Variants in NALF1 observed in about 807,000 individuals in gnomAD.
The protein encoded by NALF1 is NALCN channel auxiliary factor 1.
In NALF1, 3 loss-of-function variants were observed where a neutral mutation model predicts 48.4. The observed-to-expected ratio is 0.06, with a 90% CI of 0.03 to 0.16. NALF1 has a LOEUF of 0.16. NALF1 is among the 10% of genes least tolerant of loss of function. The pLI is 1.00. For synonymous variants in NALF1, 262 were observed against 245.7 expected (o/e 1.07, Z -0.62); for missense variants, 526 against 571.5 (o/e 0.92, Z 0.81).
intron 1 of NALF1, among the ~76,000 whole-genome samples, chr13:107,782,483 G>A (rs1449082884): frequency 3.9e-5 from 6 of 152,146 alleles, no homozygotes; most frequent in Non-Finnish European, 8.8e-5. Flanking sequence ...ACCCCGTCTA[G>A]GAAGTGAGGA....
intron 1 of NALF1, among the ~76,000 whole-genome samples, chr13:107,837,127 G>A (rs1335562076): frequency 1.3e-5 from 2 of 152,144 alleles, no homozygotes; most frequent in East Asian, 3.9e-4. Context: ...CCGGTTACAT[G>A]CAACAAAATT....
intron 1 of NALF1, among the ~76,000 whole-genome samples, chr13:107,250,761 G>C (rs946423954): frequency 6.6e-6 from 1 of 152,140 alleles, no homozygotes; most frequent in African/African-American, 2.4e-5. Flanking sequence ...GTAATTCCCA[G>C]TGTTGGAGGA....
intron 1 of NALF1, among the ~76,000 whole-genome samples, chr13:107,220,983 C>A (rs1000246428): frequency 6.6e-6 from 1 of 151,986 alleles, no homozygotes; most frequent in Non-Finnish European, 1.5e-5. Context: ...AAAAAAAGAA[C>A]AAAATTTCTT....
rs550216093 is a variant in NALF1, at chr13:107,726,962, T to A, written c.915+138720A>T. The stretch of plus-strand genomic sequence containing the variant: ...GTGTGTGTGTGTGTGTGTGTGTGTG[T>A]GAAATGAAGACTCCTTCTTTTGTAT... On this transcript the variant is annotated intron_variant, in intron 1 of 2. Coordinates refer to ENST00000375915, the MANE Select transcript of NALF1 (RefSeq NM_001080396.3). Among the ~76,000 whole-genome samples the A allele has an allele frequency of 2.5e-3, 323 of 130,944 alleles. 2 individuals carry two copies. Among genetic ancestry groups the A allele is most frequent in the Non-Finnish European group, 2.3e-3 (141 of 61,180 alleles). The allele number at this position is 130,944 out of a possible 152,430, so 85.9% of individuals were successfully genotyped here.
chr13:107,571,124 G>A (rs1877974724), intron 1 of NALF1, among the ~76,000 whole-genome samples: 1 of 152,144 alleles, frequency 6.6e-6, no homozygotes, highest in South Asian at 2.1e-4. Context: ...TTTGGTTTCT[G>A]CCCCCAGTTC....
chr13:107,411,447 G>T (rs997529619), intron 1 of NALF1, among the ~76,000 whole-genome samples: 1 of 151,980 alleles, frequency 6.6e-6, no homozygotes, highest in African/African-American at 2.4e-5. Context: ...AAAGTATTGG[G>T]ATTACAGGCA....
At chr13:107,827,979 C>T (rs1566497789) in intron 1 of NALF1, among the ~76,000 whole-genome samples, 1 of 152,144 alleles carries the variant, frequency 6.6e-6, no homozygotes, top group Non-Finnish European at 1.5e-5. Context: ...CAGCCGTCAG[C>T]GGTAGGAAGC....
At chr13:107,728,664 C>G (rs545167206) in intron 1 of NALF1, among the ~76,000 whole-genome samples, 37 of 151,728 alleles carry the variant, frequency 2.4e-4, no homozygotes, top group Non-Finnish European at 4.3e-4. Flanking sequence ...CAAACCTGCA[C>G]GTTCTGCGCA....
rs114344831 is a variant in NALF1 at position 107,715,811 on chromosome 13, C to T, written c.915+149871G>A. 2.9e-3 allele frequency among the ~76,000 whole-genome samples: 447 copies of T among 152,162 alleles called. 2 individuals are homozygous for T. Among genetic ancestry groups the T allele is most frequent in the African/African-American group, 0.01 (419 of 41,500 alleles). ...AGCACAAATAATTATGCTGGATTAGCAATAAGGAACCTTTTTTTGAAATGT... is the reference window on the plus strand; with the variant it reads ...AGCACAAATAATTATGCTGGATTAGTAATAAGGAACCTTTTTTTGAAATGT... On this transcript the variant is annotated intron_variant, in intron 1 of 2. Coordinates refer to ENST00000375915, the MANE Select transcript of NALF1 (RefSeq NM_001080396.3).
intron 1 of NALF1, among the ~76,000 whole-genome samples, chr13:107,808,404 A>C (rs942739820): frequency 4.3e-4 from 65 of 152,226 alleles, no homozygotes; most frequent in African/African-American, 1.6e-3. Flanking sequence ...AATTTCACTT[A>C]GTTTTTTGCA....
At chr13:107,219,156 C>G (rs981204274) in intron 1 of NALF1, among the ~76,000 whole-genome samples, 2 of 152,038 alleles carry the variant, frequency 1.3e-5, no homozygotes, top group African/African-American at 2.4e-5. Flanking sequence ...GAGTGTTGGC[C>G]GTGGATGGAT....
chr13:107,298,334 A>G (rs1881764741), intron 1 of NALF1, among the ~76,000 whole-genome samples: 1 of 128,756 alleles, frequency 7.8e-6, no homozygotes. Flanking sequence ...TGGGCGACAG[A>G]GAGAGAGACT....
chr13:107,673,313 G>C (rs1005914444), intron 1 of NALF1, among the ~76,000 whole-genome samples: 4 of 152,152 alleles, frequency 2.6e-5, no homozygotes, highest in Non-Finnish European at 5.9e-5. Flanking sequence ...AAAATAGCCT[G>C]ATGCACCATA....
chr13:107,477,890 T>C (rs546235993), intron 1 of NALF1, among the ~76,000 whole-genome samples: 2 of 152,194 alleles, frequency 1.3e-5, no homozygotes, highest in South Asian at 2.1e-4. Flanking sequence ...TCAAAGAAGA[T>C]AGAACTTCTA....
chr13:107,824,221 T>C (rs539979813), intron 1 of NALF1, among the ~76,000 whole-genome samples: 73 of 152,126 alleles, frequency 4.8e-4, no homozygotes, highest in Non-Finnish European at 8.1e-4. Flanking sequence ...ATAGGGACCA[T>C]ATCACTAAAT....
intron 1 of NALF1, among the ~76,000 whole-genome samples, chr13:107,285,576 C>T (rs186669356): frequency 1.3e-5 from 2 of 152,110 alleles, no homozygotes; most frequent in African/African-American, 4.8e-5. Context: ...GAGTGCAAAC[C>T]ATATATGTGT....
chr13:107,486,839 C>T (rs996812066), intron 1 of NALF1, among the ~76,000 whole-genome samples: 1 of 152,106 alleles, frequency 6.6e-6, no homozygotes, highest in Non-Finnish European at 1.5e-5. Flanking sequence ...TAACATGATT[C>T]ATGGAGGTAA....
At chr13:107,176,879 TTTTG>T (rs1340992317) in intron 2 of NALF1, among the ~76,000 whole-genome samples, 26 of 151,894 alleles carry the variant, frequency 1.7e-4, no homozygotes, top group Non-Finnish European at 3.4e-4. Context: ...GATGATATAA[TTTTG>T]TTTGTTTTTA....
chr13:107,405,750 A>G (rs1479706492), intron 1 of NALF1, among the ~76,000 whole-genome samples: 1 of 151,984 alleles, frequency 6.6e-6, no homozygotes, highest in Non-Finnish European at 1.5e-5. Flanking sequence ...GAGGACCATA[A>G]AGCACTAGTC....
Sources: allele counts gnomAD v4.1 joint callset (sites outside exome capture counted in the v4.1 genomes callset), GRCh38; gene constraint gnomAD v4.1.1; transcripts MANE v1.5; gene names NCBI Gene and HGNC (gene_info 2026-07-23, HGNC 2026-07-21).